The following RBMS3 variants were observed in gnomAD, a reference collection of about 807,000 sequenced individuals.
The protein encoded by RBMS3 is RNA binding motif single stranded interacting protein 3.
In RBMS3, 27 loss-of-function variants were observed where a neutral mutation model predicts 66.8. The ratio of observed to expected loss-of-function variants is 0.40; its 90% CI spans 0.30 to 0.56. RBMS3 has a LOEUF of 0.56. Ranked by LOEUF, RBMS3 falls within the 20% of genes least tolerant of loss-of-function variation. RBMS3 has a pLI of 0.40. For synonymous variants in RBMS3, 188 were observed against 183.0 expected (o/e 1.03, Z -0.22); for missense variants, 513 against 549.5 (o/e 0.93, Z 0.66).
intron 4 of RBMS3, among the ~76,000 whole-genome samples, chr3:29,736,986 G>GT (rs376248361): frequency 0.016 from 2,388 of 148,740 alleles, 35 homozygotes; most frequent in Middle Eastern, 0.043. Context: ...AACACAAAGT[G>GT]TTTTTTTTTT....
chr3:29,464,531 G>A (rs7611845), intron 2 of RBMS3, among the ~76,000 whole-genome samples: 23,452 of 152,076 alleles, frequency 0.15, 1,937 homozygotes, highest in African/African-American at 0.2. Context: ...TTACTCACAA[G>A]TAAACTAGAA....
At chr3:29,800,180 C>T (rs1233040210) in intron 6 of RBMS3, among the ~76,000 whole-genome samples, 1 of 152,032 alleles carries the variant, frequency 6.6e-6, no homozygotes, top group Non-Finnish European at 1.5e-5. Context: ...CCCTTTTGAA[C>T]TCTGTTAACT....
intron 1 of RBMS3, among the ~76,000 whole-genome samples, chr3:29,323,378 C>A (rs1027865011): frequency 6.6e-6 from 1 of 151,892 alleles, no homozygotes; most frequent in Non-Finnish European, 1.5e-5. Context: ...GAAACAAAGC[C>A]GTAAACTAGG....
intron 3 of RBMS3, among the ~76,000 whole-genome samples, chr3:29,575,751 A>C (rs963200969): frequency 1.3e-5 from 2 of 151,996 alleles, no homozygotes; most frequent in Non-Finnish European, 2.9e-5. Context: ...CAAGCTCACT[A>C]ATTCTTCTGC....
At chr3:29,502,259 G>T (rs1044875557) in intron 3 of RBMS3, among the ~76,000 whole-genome samples, 1 of 151,828 alleles carries the variant, frequency 6.6e-6, no homozygotes, top group South Asian at 2.1e-4. Context: ...ATTATTATTC[G>T]CATTTTACTC....
At chr3:29,313,249 C>A (rs937131862) in intron 1 of RBMS3, among the ~76,000 whole-genome samples, 4 of 151,714 alleles carry the variant, frequency 2.6e-5, no homozygotes, top group Non-Finnish European at 5.9e-5. Flanking sequence ...AACATCTGGT[C>A]TTGTTTAATG....
intron 2 of RBMS3, among the ~76,000 whole-genome samples, chr3:29,472,786 A>G (rs2042783791): frequency 6.6e-6 from 1 of 152,078 alleles, no homozygotes; most frequent in Admixed American, 6.5e-5. Flanking sequence ...TGTGGACCCA[A>G]AGAGTGAGCA....
At chr3:29,917,876 AG>A (rs1246849230) in intron 10 of RBMS3, among the ~76,000 whole-genome samples, 3 of 152,166 alleles carry the variant, frequency 2.0e-5, no homozygotes, top group Non-Finnish European at 4.4e-5. Context: ...TTGGTCTTTT[AG>A]GTTTGGAGTC....
chr3:29,409,378 G>A (rs772397131), intron 1 of RBMS3, among the ~76,000 whole-genome samples: 2 of 152,024 alleles, frequency 1.3e-5, no homozygotes, highest in African/African-American at 2.4e-5. Flanking sequence ...TCTCCATGTG[G>A]CCTCCCTCTC....
intron 4 of RBMS3, among the ~76,000 whole-genome samples, chr3:29,604,392 C>G (rs1210625126): frequency 6.6e-6 from 1 of 151,908 alleles, no homozygotes; most frequent in Non-Finnish European, 1.5e-5. Flanking sequence ...CATAGTCCAA[C>G]CTTAAGCCTT....
chr3:29,532,244 ATGTATATATATATATATG>A (rs762315446), intron 3 of RBMS3, among the ~76,000 whole-genome samples: 6,568 of 114,692 alleles, frequency 0.057, 291 homozygotes, highest in South Asian at 0.13. Context: ...TCGCATATAT[ATGTATATATATATATATG>A]TATATATATA....
At chr3:29,955,631 G>A (rs1429131255) in intron 12 of RBMS3, among the ~76,000 whole-genome samples, 1 of 152,000 alleles carries the variant, frequency 6.6e-6, no homozygotes, top group African/African-American at 2.4e-5. Context: ...GTTTATGTGT[G>A]AAGGACACTA....
intron 4 of RBMS3, among the ~76,000 whole-genome samples, chr3:29,633,190 C>G (rs1456319685): frequency 1.3e-5 from 2 of 151,268 alleles, no homozygotes; most frequent in Non-Finnish European, 3.0e-5. Context: ...TGTGCATATC[C>G]CAAGAGAATT....
chr3:29,739,400 G>A (rs2149348657), intron 4 of RBMS3, among the ~76,000 whole-genome samples: 1 of 149,084 alleles, frequency 6.7e-6, no homozygotes, highest in South Asian at 2.1e-4. Context: ...AGCTTGCAGT[G>A]AGTCGAGATC....
At chr3:29,879,889 C>G (rs1245481816) in intron 7 of RBMS3, among the ~76,000 whole-genome samples, 1 of 152,046 alleles carries the variant, frequency 6.6e-6, no homozygotes, top group African/African-American at 2.4e-5. Context: ...GCATTGCAGT[C>G]TAGGTAATCT....
At chr3:29,517,322 TTTTTTTTG>T (rs1559430089) in intron 3 of RBMS3, among the ~76,000 whole-genome samples, 1 of 116,388 alleles carries the variant, frequency 8.6e-6, no homozygotes, top group East Asian at 2.6e-4. Context: ...TATATATATT[TTTTTTTTG>T]TTTTTTTTTT....
At chr3:29,812,687 A>C (rs527951881) in intron 6 of RBMS3, among the ~76,000 whole-genome samples, 1 of 152,284 alleles carries the variant, frequency 6.6e-6, no homozygotes, top group African/African-American at 2.4e-5. Context: ...TGAAGTATTA[A>C]GATGGAAAAT....
intron 12 of RBMS3, among the ~76,000 whole-genome samples, chr3:29,959,738 C>T (rs762792144): frequency 1.3e-5 from 2 of 152,092 alleles, no homozygotes; most frequent in Non-Finnish European, 2.9e-5. Flanking sequence ...GGGAAGCAAA[C>T]ACATCCTTAT....
chr3:29,527,185 A>T (rs975387729), intron 3 of RBMS3, among the ~76,000 whole-genome samples: 683 of 56,044 alleles, frequency 0.012, 32 homozygotes, highest in African/African-American at 0.034. Context: ...GTAGAGTAAA[A>T]AAAAAAAAAA....
Sources: gnomAD v4.1 joint callset for allele counts (sites outside exome capture counted in the v4.1 genomes callset) on GRCh38, gnomAD v4.1.1 for gene constraint, MANE v1.5 for transcripts, NCBI Gene and HGNC (gene_info 2026-07-23, HGNC 2026-07-21) for gene names.